CDH20: variants seen among roughly 807,000 people sequenced by gnomAD.
CDH20 encodes the protein cadherin-20.
Under a neutral mutation model 74.2 loss-of-function variants are expected in CDH20, and 29 were observed. That is an observed-to-expected ratio of 0.39 (90% confidence interval 0.29 to 0.53). The LOEUF (loss-of-function observed/expected upper bound fraction) is 0.53, where lower values mean the gene tolerates loss of function less well. Among genes scored for constraint, CDH20 ranks in the 20% least tolerant of loss-of-function variants. CDH20 has a pLI of 0.69. For synonymous variants in CDH20, 469 were observed against 405.4 expected (o/e 1.16, Z -1.88); for missense variants, 988 against 1,048.3 (o/e 0.94, Z 0.79).
At position 61,555,248 on chromosome 18, in the gene CDH20, G is replaced by A; in HGVS notation, c.*553G>A. 2.2e-6 allele frequency: 2 copies of A among 902,034 alleles called. No individual in the cohort carries two copies. The highest frequency in any genetic ancestry group is 2.6e-6 in the Non-Finnish European group (2 of 761,358). The allele number at this position is 902,034 out of a possible 1,614,324, so 55.9% of individuals were successfully genotyped here. ...ATTTCCCGTAACCCTTTTGAGACAAGGTTAAGACTGAATCAGCCTTGCATG... is the reference window on the plus strand; with the variant it reads ...ATTTCCCGTAACCCTTTTGAGACAAAGTTAAGACTGAATCAGCCTTGCATG... On this transcript the variant is annotated 3_prime_UTR_variant, in exon 12 of 12. Coordinates refer to ENST00000262717, the MANE Select transcript of CDH20 (RefSeq NM_031891.4).
At chr18:61,522,996 T>C (rs1218817492) in intron 6 of CDH20, among the ~76,000 whole-genome samples, 5 of 152,128 alleles carry the variant, frequency 3.3e-5, no homozygotes, top group Non-Finnish European at 5.9e-5. Flanking sequence ...ATTCAGGACA[T>C]AGGCATGGGC....
intron 1 of CDH20, among the ~76,000 whole-genome samples, chr18:61,368,166 AT>A (rs1910920358): frequency 6.6e-6 from 1 of 152,040 alleles, no homozygotes; most frequent in Admixed American, 6.6e-5. Context: ...GGATAATCTT[AT>A]TTTAAGGTCG....
At chr18:61,475,313 C>T (rs974657817) in intron 1 of CDH20, among the ~76,000 whole-genome samples, 1 of 152,186 alleles carries the variant, frequency 6.6e-6, no homozygotes, top group African/African-American at 2.4e-5. Context: ...AAATCTTACC[C>T]TGACTTCTGG....
chr18:61,539,516 C>T (rs1429494268), intron 9 of CDH20, among the ~76,000 whole-genome samples: 1 of 152,132 alleles, frequency 6.6e-6, no homozygotes, highest in Non-Finnish European at 1.5e-5. Flanking sequence ...TGAGGGTGGC[C>T]AGATGCACAC....
In CDH20 at chr18:61,500,487, G is replaced by A; in HGVS notation, c.646G>A (p.Val216Met). Residue 216 changes from valine to methionine, a missense_variant, in exon 4 of 12, where the codon GTG (valine) becomes ATG (methionine). Around this residue, in one of 2 missense-constraint regions of CDH20, gnomAD observed 613 missense variants for 755.2 expected, o/e 0.81. Transcript: ENST00000262717. ...TCTTCAGGGCCAGCCATATTTTTCT[G>A]TGGACTCTAAAACAGGTATCTGATA... ...SILQGQPYFSVDSKTGVIRTA... is the reference protein window; with the variant it reads ...SILQGQPYFSMDSKTGVIRTA... 2 of 1,610,948 alleles carry A rather than the reference G, an allele frequency of 1.2e-6. No individual in the cohort carries two copies. The highest frequency in any genetic ancestry group is 1.7e-6 in the Non-Finnish European group (2 of 1,178,012).
chr18:61,498,825 A>C (rs549701536), intron 2 of CDH20, among the ~76,000 whole-genome samples: 12 of 152,050 alleles, frequency 7.9e-5, no homozygotes, highest in African/African-American at 2.4e-4. Flanking sequence ...TTTTATTTTT[A>C]TTTTTCTTAA....
intron 1 of CDH20, among the ~76,000 whole-genome samples, chr18:61,357,471 A>G (rs1042789893): frequency 2.6e-5 from 4 of 152,200 alleles, no homozygotes; most frequent in African/African-American, 7.2e-5. Context: ...AAAATCATTA[A>G]GGGGCCAAAT....
intron 1 of CDH20, among the ~76,000 whole-genome samples, chr18:61,444,086 G>A (rs1490949766): frequency 1.3e-5 from 2 of 152,032 alleles, no homozygotes; most frequent in Non-Finnish European, 2.9e-5. Context: ...GCTAGTCAAG[G>A]TATATTGCAT....
chr18:61,405,612 A>G (rs564687577), intron 1 of CDH20, among the ~76,000 whole-genome samples: 1 of 152,128 alleles, frequency 6.6e-6, no homozygotes, highest in African/African-American at 2.4e-5. Context: ...AATAAATTTT[A>G]AAAAACTATT....
chr18:61,452,052 C>T (rs12454761), intron 1 of CDH20, among the ~76,000 whole-genome samples: 12 of 152,094 alleles, frequency 7.9e-5, no homozygotes. Context: ...ACAAATACTA[C>T]TATTTTCCAC....
At chr18:61,373,314 T>A (rs1448666544) in intron 1 of CDH20, among the ~76,000 whole-genome samples, 3 of 151,994 alleles carry the variant, frequency 2.0e-5, no homozygotes, top group Non-Finnish European at 4.4e-5. Flanking sequence ...TTCTCTCCAA[T>A]AAGAGTGACT....
chr18:61,363,177 C>A (rs1367720163), intron 1 of CDH20, among the ~76,000 whole-genome samples: 1 of 152,062 alleles, frequency 6.6e-6, no homozygotes, highest in African/African-American at 2.4e-5. Flanking sequence ...GAAAGTTTAC[C>A]GTCTAGCTTG....
intron 1 of CDH20, among the ~76,000 whole-genome samples, chr18:61,351,137 G>A (rs150199318): frequency 2.0e-5 from 3 of 152,318 alleles, no homozygotes; most frequent in Non-Finnish European, 4.4e-5. Flanking sequence ...TATAACATGA[G>A]ATGCAAACTC....
intron 4 of CDH20, 76 bp downstream of exon 4, chr18:61,500,578 C>T: frequency 1.3e-6 from 2 of 1,483,622 alleles, no homozygotes; most frequent in Non-Finnish European, 9.1e-7. Flanking sequence ...AGACCCAACT[C>T]TCCTTTTTAA....
At chr18:61,547,592 T>C (rs1308414233) in intron 10 of CDH20, among the ~76,000 whole-genome samples, 1 of 152,216 alleles carries the variant, frequency 6.6e-6, no homozygotes, top group Non-Finnish European at 1.5e-5. Context: ...TTAATCCCTC[T>C]GATTCTTATT....
At chr18:61,387,862 G>A (rs1387928286) in intron 1 of CDH20, among the ~76,000 whole-genome samples, 1 of 152,070 alleles carries the variant, frequency 6.6e-6, no homozygotes, top group Non-Finnish European at 1.5e-5. Flanking sequence ...AGCCCTGATT[G>A]TATAGGGGCA....
chr18:61,539,168 C>T (rs1002126730), intron 9 of CDH20, 23 bp downstream of exon 9: 3 of 1,612,122 alleles, frequency 1.9e-6, no homozygotes, highest in Non-Finnish European at 2.5e-6. Flanking sequence ...GTGGGTGGTG[C>T]ACTCTGCTTA....
intron 10 of CDH20, among the ~76,000 whole-genome samples, chr18:61,545,474 CTCAT>C (rs1381599205): frequency 6.6e-6 from 1 of 152,182 alleles, no homozygotes; most frequent in Non-Finnish European, 1.5e-5. Context: ...AACTCTAAAA[CTCAT>C]TCAGTCAGTA....
intron 6 of CDH20, among the ~76,000 whole-genome samples, chr18:61,514,951 T>C (rs1288607009): frequency 1.3e-5 from 2 of 151,418 alleles, no homozygotes; most frequent in Non-Finnish European, 2.9e-5. Flanking sequence ...TGCTGTCTTT[T>C]TGTTTGTCTG....
Sources: allele counts gnomAD v4.1 joint callset (sites outside exome capture counted in the v4.1 genomes callset), GRCh38; gene constraint gnomAD v4.1.1; regional missense constraint gnomAD v4.1.1; transcripts MANE v1.5; gene names NCBI Gene and HGNC (gene_info 2026-07-23, HGNC 2026-07-21).